The following PTPRD variants were observed in gnomAD, a reference collection of about 807,000 sequenced individuals.
PTPRD encodes the protein protein tyrosine phosphatase receptor type D, also known as receptor-type tyrosine-protein phosphatase delta.
Under a neutral mutation model 214.5 loss-of-function variants are expected in PTPRD, and 34 were observed. That is an observed-to-expected ratio of 0.16 (90% confidence interval 0.12 to 0.21). The LOEUF is 0.21. Among genes scored for constraint, PTPRD ranks in the 10% least tolerant of loss-of-function variants. The probability of loss-of-function intolerance (pLI) is 1.00; values close to 1 mark genes in which losing one functional copy is unlikely to be tolerated. For missense variants in PTPRD, 2,545 were observed against 2,398.7 expected (o/e 1.06, Z -1.27); for synonymous variants, 1,128 against 845.7 (o/e 1.33, Z -5.79).
At chr9:9,125,864 G>C (rs1165667992) in intron 10 of PTPRD, among the ~76,000 whole-genome samples, 3 of 152,180 alleles carry the variant, frequency 2.0e-5, no homozygotes, top group Admixed American at 6.5e-5. Context: ...GTTTTAGGCT[G>C]TGATGACTTT....
intron 5 of PTPRD, among the ~76,000 whole-genome samples, chr9:9,825,544 G>C (rs2052518589): frequency 6.6e-6 from 1 of 151,920 alleles, no homozygotes; most frequent in Non-Finnish European, 1.5e-5. Context: ...GCATACTGTA[G>C]TCTCTGACTT....
intron 11 of PTPRD, chr9:8,958,829 C>A (rs1436338094): frequency 6.6e-6 from 1 of 151,964 alleles, no homozygotes; most frequent in African/African-American, 2.4e-5. Context: ...TGGAAAAGGA[C>A]TGGAGATATT....
intron 3 of PTPRD, among the ~76,000 whole-genome samples, chr9:10,087,351 A>T (rs556059541): frequency 2.0e-5 from 3 of 151,702 alleles, no homozygotes; most frequent in Admixed American, 6.6e-5. Flanking sequence ...AAAATTTTGA[A>T]TTTACATAAA....
At chr9:9,241,637 G>A (rs2099970394) in intron 9 of PTPRD, among the ~76,000 whole-genome samples, 1 of 151,872 alleles carries the variant, frequency 6.6e-6, no homozygotes, top group South Asian at 2.1e-4. Context: ...TTGGTTTAAA[G>A]CCTGTTTTAT....
At chr9:9,298,747 G>A (rs146575795) in intron 9 of PTPRD, among the ~76,000 whole-genome samples, 20 of 151,806 alleles carry the variant, frequency 1.3e-4, no homozygotes, top group African/African-American at 4.3e-4. Flanking sequence ...CCTCTTCTCT[G>A]AATTGTCCTG....
intron 9 of PTPRD, among the ~76,000 whole-genome samples, chr9:9,349,670 C>T (rs1489925783): frequency 2.0e-5 from 3 of 150,882 alleles, no homozygotes; most frequent in African/African-American, 4.9e-5. Context: ...AATTTTCTCA[C>T]ACTCATCACC....
chr9:10,118,751 C>T (rs1412431985), intron 3 of PTPRD, among the ~76,000 whole-genome samples: 1 of 151,546 alleles, frequency 6.6e-6, no homozygotes, highest in Non-Finnish European at 1.5e-5. Flanking sequence ...CTCAACACTA[C>T]ATTTTAATCC....
At chr9:9,023,034 T>C (rs1415437121) in intron 10 of PTPRD, among the ~76,000 whole-genome samples, 1 of 152,174 alleles carries the variant, frequency 6.6e-6, no homozygotes, top group Non-Finnish European at 1.5e-5. Context: ...AGGGGATGTT[T>C]GGAAGTCAAC....
chr9:9,535,744 A>G (rs2076382471), intron 8 of PTPRD, among the ~76,000 whole-genome samples: 1 of 152,046 alleles, frequency 6.6e-6, no homozygotes, highest in Admixed American at 6.6e-5. Context: ...ACAGAAAAAC[A>G]TTTTCAGAAG....
intron 3 of PTPRD, among the ~76,000 whole-genome samples, chr9:10,176,087 A>G (rs2154301489): frequency 6.6e-6 from 1 of 152,138 alleles, no homozygotes; most frequent in Non-Finnish European, 1.5e-5. Context: ...TGGTCATAAA[A>G]GCAAAGGTTT....
At chr9:9,660,179 G>A (rs187310646) in intron 7 of PTPRD, among the ~76,000 whole-genome samples, 2 of 151,908 alleles carry the variant, frequency 1.3e-5, no homozygotes, top group African/African-American at 4.8e-5. Context: ...AAAGATAAAT[G>A]AGAGCAGATA....
At chr9:9,636,683 A>G (rs2095781665) in intron 7 of PTPRD, among the ~76,000 whole-genome samples, 1 of 152,228 alleles carries the variant, frequency 6.6e-6, no homozygotes, top group African/African-American at 2.4e-5. Context: ...CAGCTTGTGG[A>G]TGACCCAACA....
Position 8,465,588 on chromosome 9 carries a change from C to G in PTPRD, c.3592G>C (p.Val1198Leu). 1 of 1,612,598 alleles carries G rather than the reference C, an allele frequency of 6.2e-7. No homozygotes were observed. Among genetic ancestry groups the G allele is most frequent in the Non-Finnish European group, 8.5e-7 (1 of 1,179,078 alleles). Reference sequence around the variant, plus strand: ...CCCAGGGTGAACTCAGTGGGAAGGACATCAAAGTGAGCGGCAATATATGGC... The same window carrying G: ...CCCAGGGTGAACTCAGTGGGAAGGAGATCAAAGTGAGCGGCAATATATGGC... ...LKPYIAAHFD[V>L]LPTEFTLGDD... Residue 1198 changes from valine to leucine, a missense_variant, in exon 32 of 46, where the codon GTC becomes CTC. Physicochemically the swap from Val to Leu is conservative, Grantham distance 32. Transcript: ENST00000381196.
At chr9:9,891,203 C>T (rs996140086) in intron 5 of PTPRD, among the ~76,000 whole-genome samples, 2 of 152,100 alleles carry the variant, frequency 1.3e-5, no homozygotes, top group South Asian at 4.1e-4. Flanking sequence ...TCTCTTCTCC[C>T]ATCCAACTCA....
At chr9:9,058,875 A>C (rs2099701962) in intron 10 of PTPRD, among the ~76,000 whole-genome samples, 2 of 152,172 alleles carry the variant, frequency 1.3e-5, no homozygotes, top group African/African-American at 4.8e-5. Context: ...AATTCCTCTG[A>C]AGATGGAGCA....
At chr9:10,578,287 T>C (rs960013656) in intron 2 of PTPRD, among the ~76,000 whole-genome samples, 1 of 152,160 alleles carries the variant, frequency 6.6e-6, no homozygotes, top group Non-Finnish European at 1.5e-5. Flanking sequence ...CAGATTATAA[T>C]GATTTGAGTT....
At chr9:9,910,196 G>C (rs2078799405) in intron 5 of PTPRD, among the ~76,000 whole-genome samples, 1 of 151,824 alleles carries the variant, frequency 6.6e-6, no homozygotes, top group Non-Finnish European at 1.5e-5. Flanking sequence ...TAGAGCTCCT[G>C]GCATAGAATA....
At chr9:9,517,764 T>C (rs1490203623) in intron 8 of PTPRD, among the ~76,000 whole-genome samples, 1 of 152,046 alleles carries the variant, frequency 6.6e-6, no homozygotes, top group Admixed American at 6.6e-5. Context: ...GCATATTAAT[T>C]GGTAATTACA....
Position 10,488,828 on chromosome 9 carries a change from C to T in PTPRD, c.-600+123570G>A, listed in dbSNP as rs148660768. ...TCAGCCAGATGTGGTGAATATTACC[C>T]GACTTGGGACTCATCTTTCAGGGCA... is the stretch of plus-strand genomic sequence containing the variant. On this transcript the variant is annotated intron_variant, in intron 2 of 45. Coordinates refer to ENST00000381196, the MANE Select transcript of PTPRD (RefSeq NM_002839.4). Among the ~76,000 whole-genome samples, 17 of 152,144 alleles carry T rather than the reference C, an allele frequency of 1.1e-4. No homozygotes were observed. In the East Asian group the frequency reaches 1.9e-3, roughly 17 times the overall value.
Sources: gnomAD v4.1 joint callset for allele counts (sites outside exome capture counted in the v4.1 genomes callset) on GRCh38, gnomAD v4.1.1 for gene constraint, MANE v1.5 for transcripts, NCBI Gene and HGNC (gene_info 2026-07-23, HGNC 2026-07-21) for gene names.